The following NEGR1 variants were observed in gnomAD, a reference collection of about 807,000 sequenced individuals.
NEGR1 encodes IgLON family member 4.
In NEGR1, 10 loss-of-function variants were observed where a neutral mutation model predicts 40.9. The observed-to-expected ratio is 0.24, with a 90% CI of 0.15 to 0.42. The LOEUF (loss-of-function observed/expected upper bound fraction) is 0.42. Ranked by LOEUF, NEGR1 falls within the 10% of genes least tolerant of loss-of-function variation. The pLI is 1.00. For missense variants in NEGR1, 352 were observed against 438.9 expected, an observed-to-expected ratio of 0.80 and a Z score of 1.77; for synonymous variants, 185 against 166.8, an observed-to-expected ratio of 1.11 and a Z score of -0.84.
At chr1:71,916,121 G>C (rs1661574756) in intron 2 of NEGR1, among the ~76,000 whole-genome samples, 1 of 152,036 alleles carries the variant, frequency 6.6e-6, no homozygotes, top group African/African-American at 2.4e-5. Context: ...GGGGAAGCAG[G>C]GAGTGGGGGT....
intron 1 of NEGR1, among the ~76,000 whole-genome samples, chr1:72,281,128 C>G (rs1304026074): frequency 6.6e-6 from 1 of 151,912 alleles, no homozygotes; most frequent in Non-Finnish European, 1.5e-5. Context: ...CACCTCAGAG[C>G]TCAAGCTCAG....
At chr1:72,281,448 T>C (rs1256166145) in intron 1 of NEGR1, among the ~76,000 whole-genome samples, 1 of 151,912 alleles carries the variant, frequency 6.6e-6, no homozygotes, top group Non-Finnish European at 1.5e-5. Flanking sequence ...AAATAAGATT[T>C]ATGAGGGTGA....
intron 1 of NEGR1, among the ~76,000 whole-genome samples, chr1:72,154,811 A>T (rs1293480673): frequency 6.6e-6 from 1 of 152,036 alleles, no homozygotes; most frequent in African/African-American, 2.4e-5. Flanking sequence ...TGAGTACATC[A>T]ATACATTAAT....
rs141196026 is a variant in NEGR1 at position 71,911,759 on chromosome 1, A to G, written c.409+23320T>C. Among the ~76,000 whole-genome samples the G allele has an allele frequency of 3.0e-3, 460 of 152,320 alleles. 4 individuals are homozygous for G. Among genetic ancestry groups the G allele is most frequent in the African/African-American group, 0.011 (441 of 41,560 alleles). On this transcript the variant is annotated intron_variant, in intron 2 of 6. Coordinates refer to ENST00000357731, the MANE Select transcript of NEGR1 (RefSeq NM_173808.3). ...AGAAAGAAAGGGCTGTTGTGTCAAG[A>G]AAGTTTGATAGAAGATCGACTGAAC...
At chr1:71,520,411 C>T (rs1387562947) in intron 6 of NEGR1, among the ~76,000 whole-genome samples, 2 of 151,968 alleles carry the variant, frequency 1.3e-5, no homozygotes, top group Admixed American at 1.3e-4. Context: ...TTGCTCTTTT[C>T]GAAGCAAACT....
At chr1:71,965,345 G>C (rs1363048078) in intron 1 of NEGR1, among the ~76,000 whole-genome samples, 1 of 152,110 alleles carries the variant, frequency 6.6e-6, no homozygotes, top group African/African-American at 2.4e-5. Flanking sequence ...AATAACTTTA[G>C]CGAAGTTTTC....
intron 1 of NEGR1, among the ~76,000 whole-genome samples, chr1:71,940,862 G>T (rs554180483): frequency 1.3e-5 from 2 of 152,118 alleles, no homozygotes; most frequent in Non-Finnish European, 2.9e-5. Flanking sequence ...GCTGAGGAAT[G>T]ATTTTGTCTA....
chr1:72,088,796 C>CTCTTTTTTTTTTTTTTTTTTTTTTTTT (rs1477735559), intron 1 of NEGR1, among the ~76,000 whole-genome samples: 1 of 74,906 alleles, frequency 1.3e-5, no homozygotes, highest in Non-Finnish European at 2.5e-5. Flanking sequence ...CTCTCTCTCT[C>CTCTTTTTTTTTTTTTTTTTTTTTTTTT]TTTTTTTTTT....
At chr1:72,159,556 A>C (rs1009322704) in intron 1 of NEGR1, among the ~76,000 whole-genome samples, 1 of 152,192 alleles carries the variant, frequency 6.6e-6, no homozygotes, top group Non-Finnish European at 1.5e-5. Flanking sequence ...ACATATAGCA[A>C]GCAGTGTCAC....
intron 1 of NEGR1, among the ~76,000 whole-genome samples, chr1:72,206,420 T>C (rs1653400499): frequency 6.6e-6 from 1 of 152,150 alleles, no homozygotes; most frequent in Non-Finnish European, 1.5e-5. Flanking sequence ...TATTCAGTGA[T>C]ATTAATTTTG....
chr1:71,657,212 C>T (rs1363824792), intron 4 of NEGR1, among the ~76,000 whole-genome samples: 1 of 152,176 alleles, frequency 6.6e-6, no homozygotes, highest in East Asian at 1.9e-4. Context: ...TGTTTCTTCA[C>T]AGGAACCATC....
intron 3 of NEGR1, among the ~76,000 whole-genome samples, chr1:71,759,545 C>T (rs868394359): frequency 1.4e-5 from 2 of 147,174 alleles, no homozygotes; most frequent in African/African-American, 5.0e-5. Context: ...GATCCACTCG[C>T]CTCGGCCTCC....
chr1:71,898,949 AAT>A lies in NEGR1; in HGVS notation c.409+36128_409+36129del, dbSNP rs1394030070. Among the ~76,000 whole-genome samples, 314 of 119,310 alleles carry A rather than the reference AAT, an allele frequency of 2.6e-3. 4 individuals are homozygous for A. Among genetic ancestry groups the A allele is most frequent in the African/African-American group, 9.1e-3 (264 of 29,012 alleles). 78.3% of individuals were successfully genotyped at this position (119,310 alleles called of 152,430 possible). A position where few individuals can be genotyped will look rare whatever the true frequency, so the allele number is the denominator to read the frequency against. ...TTGCAAATATATATAATATATTGCA[AAT>A]ATATATATATAGCATATATATATAT... On this transcript the variant is annotated intron_variant, in intron 2 of 6. Transcript: ENST00000357731.
At chr1:71,729,446 A>G (rs141494679) in intron 3 of NEGR1, among the ~76,000 whole-genome samples, 1 of 152,180 alleles carries the variant, frequency 6.6e-6, no homozygotes, top group East Asian at 1.9e-4. Context: ...TGTCTTCTTT[A>G]CTGGAGTGAA....
At chr1:72,150,344 G>A (rs1375673689) in intron 1 of NEGR1, among the ~76,000 whole-genome samples, 2 of 152,152 alleles carry the variant, frequency 1.3e-5, no homozygotes, top group African/African-American at 4.8e-5. Flanking sequence ...AAATCTGGTT[G>A]AGATTTCCTC....
chr1:71,555,314 G>T (rs760636568), intron 6 of NEGR1, among the ~76,000 whole-genome samples: 15 of 151,570 alleles, frequency 9.9e-5, no homozygotes, highest in Admixed American at 2.0e-4. Context: ...AAGCAGCAAA[G>T]AATTCCAAGA....
chr1:71,755,880 A>G (rs1655715802), intron 3 of NEGR1, among the ~76,000 whole-genome samples: 1 of 152,220 alleles, frequency 6.6e-6, no homozygotes, highest in African/African-American at 2.4e-5. Context: ...TGTTGAATAG[A>G]TGAGTTTTGA....
rs990771958 is a variant in NEGR1, at chr1:71,943,272, C to CAT, written c.177-7963_177-7962dup. 2.0e-3 allele frequency among the ~76,000 whole-genome samples: 296 copies of CAT among 149,748 alleles called. 1 individual carries two copies. The highest frequency in any genetic ancestry group is 7.0e-3 in the African/African-American group (286 of 40,888). ...CACATACATACACATGTATCATACA[C>CAT]ATATATACACATGTATCATACACAT... On this transcript the variant is annotated intron_variant, in intron 1 of 6. Transcript: ENST00000357731.
At chr1:72,126,132 T>TGTGTGTGTGA (rs1650012603) in intron 1 of NEGR1, among the ~76,000 whole-genome samples, 1 of 136,182 alleles carries the variant, frequency 7.3e-6, no homozygotes, top group Non-Finnish European at 1.6e-5. Context: ...TGTGTGTGTG[T>TGTGTGTGTGA]GTGAAAGACA....
Sources: allele counts gnomAD v4.1 joint callset (sites outside exome capture counted in the v4.1 genomes callset), GRCh38; gene constraint gnomAD v4.1.1; transcripts MANE v1.5; gene names NCBI Gene and HGNC (gene_info 2026-07-23, HGNC 2026-07-21).